Variants in ACSF2 observed in about 807,000 individuals in gnomAD.
ACSF2 encodes the protein acyl-CoA synthetase family member 2.
In ACSF2, 52 loss-of-function variants were observed where a neutral mutation model predicts 79.3. The ratio of observed to expected loss-of-function variants is 0.66; its 90% CI spans 0.53 to 0.83. The LOEUF is 0.83. Ranked by LOEUF, ACSF2 falls within the 40% of genes least tolerant of loss-of-function variation. ACSF2 has a pLI of 0.00. For synonymous variants in ACSF2, 283 were observed against 312.6 expected (o/e 0.91, Z 1.00); for missense variants, 661 against 803.3 (o/e 0.82, Z 2.14).
Position 50,463,804 on chromosome 17 carries a change from CT to C in ACSF2, c.1047-13del, listed in dbSNP as rs746991801. ...CCACTTCCAAGCCTAATTTCGAGAC[CT>C]CCTCCTATACAGAGGCACCTTCCTG... On this transcript the variant is annotated splice_polypyrimidine_tract_variant and intron_variant, in intron 8 of 15. Coordinates refer to ENST00000300441, the MANE Select transcript of ACSF2 (RefSeq NM_025149.6). The surrounding 1 kb of genome is among the most constrained non-coding windows in gnomAD (Gnocchi z 4.6). 6.2e-7 allele frequency: 1 copy of C among 1,612,308 alleles called. No individual in the cohort carries two copies. Among genetic ancestry groups the C allele is most frequent in the Non-Finnish European group, 8.5e-7 (1 of 1,178,470 alleles).
At chr17:50,458,277 A>G (rs2032133900) in intron 1 of ACSF2, among the ~76,000 whole-genome samples, 1 of 152,090 alleles carries the variant, frequency 6.6e-6, no homozygotes. Context: ...GGCTCTCCTC[A>G]TTCTTCCAGG....
At position 50,462,539 on chromosome 17, in the gene ACSF2, A is replaced by T. The variant is rs2032411096; in HGVS notation, c.746A>T (p.Gln249Leu). The part of the protein sequence containing the change: ...RQHLDQLQYN[Q>L]QFLSCHDPIN... Reference sequence around the variant, plus strand: ...CATCTGGACCAGCTCCAATACAACCAGCAGTTCCTGTCCTGCCATGACCCC... The same window carrying T: ...CATCTGGACCAGCTCCAATACAACCTGCAGTTCCTGTCCTGCCATGACCCC... The change falls in exon 6 of 16, where the codon CAG becomes CTG. Residue 249 changes from glutamine to leucine, a missense_variant. Gln to Leu is a moderately radical substitution (Grantham distance 113). Coordinates refer to ENST00000300441, the MANE Select transcript of ACSF2 (RefSeq NM_025149.6). 1 of 1,613,730 alleles carries T rather than the reference A, an allele frequency of 6.2e-7. No individual in the cohort carries two copies. The highest frequency in any genetic ancestry group is 1.3e-5 in the African/African-American group (1 of 74,842).
chr17:50,447,917 T>C (rs2031404317), intron 1 of ACSF2, among the ~76,000 whole-genome samples: 1 of 152,220 alleles, frequency 6.6e-6, no homozygotes, highest in Non-Finnish European at 1.5e-5. Flanking sequence ...CAAAGGCTGA[T>C]AGGGTGTGGC....
Position 50,474,489 on chromosome 17 carries a change from T to A in ACSF2, c.1798-13T>A. On this transcript the variant is annotated splice_polypyrimidine_tract_variant and intron_variant, in intron 15 of 15. Transcript: ENST00000300441. The surrounding 1 kb of genome is among the most constrained non-coding windows in gnomAD (Gnocchi z 4.2). ...GACAGCTGGTAACCCTAACTCCATT[T>A]TCTTTCCTCTAGATCCAGAAATTCA... 6.2e-7 allele frequency: 1 copy of A among 1,613,984 alleles called. No individual in the cohort carries two copies. Among genetic ancestry groups the A allele is most frequent in the East Asian group, 2.2e-5 (1 of 44,886 alleles).
At position 50,463,795 on chromosome 17, in the gene ACSF2, T is replaced by C; in HGVS notation, c.1047-23T>C. The C allele has an allele frequency of 6.2e-7, 1 of 1,609,658 alleles. No individual in the cohort carries two copies. The highest frequency in any genetic ancestry group is 8.5e-7 in the Non-Finnish European group (1 of 1,176,146). ...AGTTCCCTTCCACTTCCAAGCCTAATTTCGAGACCTCCTCCTATACAGAGG... is the reference window on the plus strand; with the variant it reads ...AGTTCCCTTCCACTTCCAAGCCTAACTTCGAGACCTCCTCCTATACAGAGG... On this transcript the variant is annotated intron_variant, in intron 8 of 15. Transcript: ENST00000300441. The surrounding 1 kb of genome is among the most constrained non-coding windows in gnomAD (Gnocchi z 4.6).
intron 1 of ACSF2, among the ~76,000 whole-genome samples, chr17:50,459,389 C>T (rs757151483): frequency 5.3e-5 from 8 of 151,572 alleles, no homozygotes; most frequent in East Asian, 3.9e-4. Context: ...TACAGGCATG[C>T]GCCACCATAC....
rs766884963 is a variant in ACSF2, at chr17:50,472,595, G to C, written c.1475+16G>C. 3 of 1,574,410 alleles carry C rather than the reference G, an allele frequency of 1.9e-6. No individual in the cohort carries two copies. The highest frequency in any genetic ancestry group is 2.6e-6 in the Non-Finnish European group (3 of 1,159,412). ...ATTGGACAGGGTGAGAAGGCAGGGC[G>C]GGGTGGAGGCTCTGGCCGCTGAGGG... On this transcript the variant is annotated intron_variant, in intron 12 of 15. Transcript: ENST00000300441.
chr17:50,467,964 C>T (rs2032847530), intron 10 of ACSF2: 2 of 1,457,218 alleles, frequency 1.4e-6, no homozygotes, highest in South Asian at 1.4e-5. Flanking sequence ...GGGATGGTGC[C>T]AGCTGTGGCC....
At position 50,468,600 on chromosome 17, in the gene ACSF2, G is replaced by A. The variant is rs1253244120; in HGVS notation, c.1216-2428G>A. On this transcript the variant is annotated intron_variant, in intron 10 of 15. Coordinates refer to ENST00000300441, the MANE Select transcript of ACSF2 (RefSeq NM_025149.6). ...AATGACACGAGGTTCGGCATGGCCC[G>A]GAACGAATTGGCAGCCAGCACCGGG... is the stretch of plus-strand genomic sequence containing the variant. 7 of 1,614,108 alleles carry A rather than the reference G, an allele frequency of 4.3e-6. No homozygotes were observed. The Admixed American group carries it at 8.3e-5, about 19-fold the overall frequency.
chr17:50,465,879 C>T (rs2032676479), intron 10 of ACSF2: 7 of 1,612,624 alleles, frequency 4.3e-6, no homozygotes, highest in Non-Finnish European at 5.9e-6. Context: ...AACTGGGGAG[C>T]AAGGTGGGAG....
At chr17:50,451,100 C>G (rs916880547) in intron 1 of ACSF2, among the ~76,000 whole-genome samples, 3 of 152,056 alleles carry the variant, frequency 2.0e-5, no homozygotes, top group African/African-American at 7.2e-5. Context: ...CCATGCCCAG[C>G]TAACTTTTAA....
chr17:50,443,888 C>G (rs1223736419), intron 1 of ACSF2, among the ~76,000 whole-genome samples: 1 of 152,114 alleles, frequency 6.6e-6, no homozygotes, highest in South Asian at 2.1e-4. Context: ...ATCTAGTGCT[C>G]TAGCTTATCT....
Position 50,474,547 on chromosome 17 carries a change from C to G in ACSF2, c.1843C>G (p.Leu615Val). 1 of 1,614,186 alleles carries G rather than the reference C, an allele frequency of 6.2e-7. No individual in the cohort carries two copies. Among genetic ancestry groups the G allele is most frequent in the Non-Finnish European group, 8.5e-7 (1 of 1,180,026 alleles). ...LREQMERHLN[L>V] ...AGAGCAGATGGAACGACATCTAAAT[C>G]TGTGAATAAAGCAGCAGGCCTGTCC... Residue 615 changes from leucine to valine, a missense_variant, in exon 16 of 16, where the codon CTG (leucine) becomes GTG (valine). Leu to Val is a conservative substitution (Grantham distance 32, BLOSUM62 1). Coordinates refer to ENST00000300441, the MANE Select transcript of ACSF2 (RefSeq NM_025149.6). The surrounding 1 kb of genome is among the most constrained non-coding windows in gnomAD (Gnocchi z 4.2).
At chr17:50,430,422 C>T (rs1404487593) in intron 1 of ACSF2, among the ~76,000 whole-genome samples, 3 of 152,180 alleles carry the variant, frequency 2.0e-5, no homozygotes, top group Non-Finnish European at 4.4e-5. Context: ...AATCCCGGCA[C>T]TTTGGGAGGC....
intron 1 of ACSF2, among the ~76,000 whole-genome samples, chr17:50,459,579 G>A (rs535324341): frequency 2.6e-5 from 4 of 152,188 alleles, no homozygotes; most frequent in African/African-American, 4.8e-5. Context: ...GGTGGGGAAA[G>A]TTAAGTGGAG....
At chr17:50,447,206 A>G (rs1447064190) in intron 1 of ACSF2, among the ~76,000 whole-genome samples, 1 of 152,096 alleles carries the variant, frequency 6.6e-6, no homozygotes, top group African/African-American at 2.4e-5. Context: ...AGAATTACCT[A>G]TTCTGGACAT....
Position 50,474,304 on chromosome 17 carries a change from G to C in ACSF2, c.1797+37G>C. On this transcript the variant is annotated intron_variant, in intron 15 of 15. Coordinates refer to ENST00000300441, the MANE Select transcript of ACSF2 (RefSeq NM_025149.6). The surrounding 1 kb of genome is among the most constrained non-coding windows in gnomAD (Gnocchi z 4.2). ...GGAGGAGGCTGGGGAGGGCAGCCTG[G>C]GCTCTGGGGCCCCATAGGGCCCCAC... 1 of 1,611,780 alleles carries C rather than the reference G, an allele frequency of 6.2e-7. No homozygotes were observed. Among genetic ancestry groups the C allele is most frequent in the Middle Eastern group, 1.7e-4 (1 of 6,046 alleles).
chr17:50,426,429 C>A, intron 1 of ACSF2, 40 bp downstream of exon 1: 1 of 1,285,330 alleles, frequency 7.8e-7, no homozygotes, highest in South Asian at 2.8e-5. Context: ...CGGGGCAGTT[C>A]CCCGGGAGAG....
intron 1 of ACSF2, among the ~76,000 whole-genome samples, chr17:50,454,679 C>A (rs1305035258): frequency 6.6e-6 from 1 of 152,154 alleles, no homozygotes; most frequent in Admixed American, 6.5e-5. Flanking sequence ...CTGGCCAGAT[C>A]GGCTGCCGGG....
Sources: gnomAD v4.1 joint callset for allele counts (sites outside exome capture counted in the v4.1 genomes callset) on GRCh38, gnomAD v4.1.1 for gene constraint, Gnocchi (gnomAD v3.1) non-coding constraint, MANE v1.5 for transcripts, NCBI Gene and HGNC (gene_info 2026-07-23, HGNC 2026-07-21) for gene names.